Variants in SLC41A1 observed in about 807,000 individuals in gnomAD.
SLC41A1 encodes the protein solute carrier family 41 (magnesium transporter), member 1.
Under a neutral mutation model 47.3 loss-of-function variants are expected in SLC41A1, and 20 were observed. That is an observed-to-expected ratio of 0.42 (90% confidence interval 0.30 to 0.61). The LOEUF is 0.61. Among genes scored for constraint, SLC41A1 ranks in the 20% least tolerant of loss-of-function variants. The pLI, the probability that SLC41A1 is intolerant of heterozygous loss-of-function variation, is 0.17. For missense variants in SLC41A1, 504 were observed against 674.1 expected, an observed-to-expected ratio of 0.75 and a Z score of 2.79; for synonymous variants, 282 against 272.7, an observed-to-expected ratio of 1.03 and a Z score of -0.34.
chr1:205,803,639 T>C (rs1655941816), intron 2 of SLC41A1, among the ~76,000 whole-genome samples: 1 of 150,974 alleles, frequency 6.6e-6, no homozygotes. Flanking sequence ...ATTCTTTTTT[T>C]TTTTTTTTTT....
intron 8 of SLC41A1, chr1:205,796,625 G>T: frequency 2.2e-6 from 1 of 449,524 alleles, no homozygotes; most frequent in Non-Finnish European, 4.1e-6. Context: ...TTATAAATTA[G>T]CCAGTTTCAA....
At chr1:205,809,629 G>A (rs528471324) in intron 2 of SLC41A1, among the ~76,000 whole-genome samples, 1 of 152,262 alleles carries the variant, frequency 6.6e-6, no homozygotes. Context: ...TTCCTGCCCA[G>A]TAGGGGGATG....
chr1:205,794,807 C>T (rs1377283965), intron 10 of SLC41A1, 63 bp downstream of exon 10: 12 of 1,606,882 alleles, frequency 7.5e-6, no homozygotes, highest in Middle Eastern at 4.2e-4. Context: ...AGTCTGGCCT[C>T]CTCTCCCATC....
intron 3 of SLC41A1, among the ~76,000 whole-genome samples, chr1:205,800,510 G>C (rs1209509672): frequency 1.3e-5 from 2 of 152,198 alleles, no homozygotes; most frequent in African/African-American, 4.8e-5. Flanking sequence ...AAGCTGCCAT[G>C]GGTAAAGGGA....
chr1:205,812,879 G>C lies in SLC41A1; in HGVS notation c.-718C>G. On this transcript the variant is annotated 5_prime_UTR_variant, in exon 1 of 11. Coordinates refer to ENST00000367137, the MANE Select transcript of SLC41A1 (RefSeq NM_173854.6). ...TGGCCCGTGGTCTCGGGGGGTGCAG[G>C]GCACCCCCTCTTCTCATCACTCCTC... is the stretch of plus-strand genomic sequence containing the variant. The C allele has an allele frequency of 2.0e-6, 2 of 985,212 alleles. No individual in the cohort carries two copies. 61.0% of individuals were successfully genotyped at this position (985,212 alleles called of 1,614,324 possible). A position where few individuals can be genotyped will look rare whatever the true frequency, so the allele number is the denominator to read the frequency against.
rs1656119990 is a variant in SLC41A1 at position 205,810,342 on chromosome 1, C to G, written c.100G>C (p.Ala34Pro). 8.1e-6 allele frequency: 13 copies of G among 1,614,040 alleles called. No homozygotes were observed. The highest frequency in any genetic ancestry group is 1.1e-5 in the Non-Finnish European group (13 of 1,180,040). ...SSDGPGREPL[A>P]GTSEFLGPDG... ...GGCCCCAGGAACTCTGAGGTCCCAG[C>G]CAAGGGCTCTCTCCCTGGGCCATCT... The change falls in exon 2 of 11, where the codon GCT (alanine) becomes CCT (proline). Residue 34 changes from alanine to proline, a missense_variant. By Grantham distance (27) the Ala-to-Pro change is conservative (BLOSUM62 -1). This residue lies in a region of SLC41A1 where 83 missense variants were observed against 72.5 expected (regional missense o/e 1.15). Transcript: ENST00000367137. This position sits in a 1 kb window ranked among gnomAD's most constrained non-coding sequence, Gnocchi z 5.5.
Position 205,791,475 on chromosome 1 carries a change from A to G in SLC41A1, c.*58T>C, listed in dbSNP as rs1176179806. 1.2e-6 allele frequency: 2 copies of G among 1,609,844 alleles called. No individual in the cohort carries two copies. Among genetic ancestry groups the G allele is most frequent in the African/African-American group, 2.7e-5 (2 of 74,840 alleles). On this transcript the variant is annotated 3_prime_UTR_variant, in exon 11 of 11. Coordinates refer to ENST00000367137, the MANE Select transcript of SLC41A1 (RefSeq NM_173854.6). This position sits in a 1 kb window ranked among gnomAD's most constrained non-coding sequence, Gnocchi z 4.0. Reference sequence around the variant, plus strand: ...TGGGGTGGAGGAGGGACAGGGGAACAAAAGAAAAATTTCAAATAGAAAGTG... The same window carrying G: ...TGGGGTGGAGGAGGGACAGGGGAACGAAAGAAAAATTTCAAATAGAAAGTG...
At chr1:205,794,254 T>A (rs983446203) in intron 10 of SLC41A1, among the ~76,000 whole-genome samples, 6 of 152,226 alleles carry the variant, frequency 3.9e-5, no homozygotes, top group Admixed American at 2.0e-4. Context: ...TTATGCAAAA[T>A]GTTATTTTCC....
chr1:205,791,503 G>A lies in SLC41A1; in HGVS notation c.*30C>T. ...AGAAAAATTTCAAATAGAAAGTGCA[G>A]AGGGATGGGGAAAATGTTGAGTGAC... On this transcript the variant is annotated 3_prime_UTR_variant, in exon 11 of 11. Coordinates refer to ENST00000367137, the MANE Select transcript of SLC41A1 (RefSeq NM_173854.6). The surrounding 1 kb of genome is among the most constrained non-coding windows in gnomAD (Gnocchi z 4.0). 1 of 1,613,916 alleles carries A rather than the reference G, an allele frequency of 6.2e-7. No individual in the cohort carries two copies. Among genetic ancestry groups the A allele is most frequent in the Non-Finnish European group, 8.5e-7 (1 of 1,179,874 alleles).
At chr1:205,809,785 C>T (rs1045877081) in intron 2 of SLC41A1, among the ~76,000 whole-genome samples, 7 of 152,060 alleles carry the variant, frequency 4.6e-5, no homozygotes, top group African/African-American at 7.2e-5. Context: ...TGGCAAGCAA[C>T]GACCCTGTTC....
At chr1:205,795,064 C>T (rs762318449) in intron 9 of SLC41A1, 46 bp from the exon 10 acceptor site, 1 of 1,608,336 alleles carries the variant, frequency 6.2e-7, no homozygotes. Flanking sequence ...GAGGAGAAGA[C>T]CTGGCCCCAG....
chr1:205,811,069 G>C lies in SLC41A1; in HGVS notation c.-628C>G, dbSNP rs1210587230. The C allele has an allele frequency of 6.4e-6, 1 of 155,060 alleles. No homozygotes were observed. The highest frequency in any genetic ancestry group is 1.4e-5 in the Non-Finnish European group (1 of 69,962). 9.6% of individuals were successfully genotyped at this position (155,060 alleles called of 1,614,324 possible). A position where few individuals can be genotyped will look rare whatever the true frequency, so the allele number is the denominator to read the frequency against. ...TCAAATCCCTGGTCCTTAAAGTCAC[G>C]AGAATCAGTGTGGAACACCTTATGT... On this transcript the variant is annotated 5_prime_UTR_variant, in exon 2 of 11. Coordinates refer to ENST00000367137, the MANE Select transcript of SLC41A1 (RefSeq NM_173854.6).
At chr1:205,802,719 A>AAAAATAAAAT (rs60350796) in intron 2 of SLC41A1, among the ~76,000 whole-genome samples, 3,654 of 133,382 alleles carry the variant, frequency 0.027, 136 homozygotes, top group African/African-American at 0.076. Context: ...ACTCTGTCTC[A>AAAAATAAAAT]AAAATAAAAT....
intron 2 of SLC41A1, among the ~76,000 whole-genome samples, chr1:205,802,418 C>T (rs1571646323): frequency 1.3e-5 from 2 of 152,234 alleles, no homozygotes; most frequent in East Asian, 1.9e-4. Flanking sequence ...CACACTCTGT[C>T]GTTAAAGATG....
In SLC41A1 at chr1:205,791,471, G is replaced by C. The variant is rs2102498866; in HGVS notation, c.*62C>G. The C allele has an allele frequency of 6.2e-7, 1 of 1,602,734 alleles. No individual in the cohort carries two copies. The highest frequency in any genetic ancestry group is 8.5e-7 in the Non-Finnish European group (1 of 1,171,006). ...AGTGTGGGGTGGAGGAGGGACAGGGGAACAAAAGAAAAATTTCAAATAGAA... is the reference window on the plus strand; with the variant it reads ...AGTGTGGGGTGGAGGAGGGACAGGGCAACAAAAGAAAAATTTCAAATAGAA... On this transcript the variant is annotated 3_prime_UTR_variant, in exon 11 of 11. Coordinates refer to ENST00000367137, the MANE Select transcript of SLC41A1 (RefSeq NM_173854.6). The surrounding 1 kb of genome is among the most constrained non-coding windows in gnomAD (Gnocchi z 4.0).
Position 205,808,864 on chromosome 1 carries a change from A to C in SLC41A1, c.372+1206T>G, listed in dbSNP as rs914229160. On this transcript the variant is annotated intron_variant, in intron 2 of 10. Transcript: ENST00000367137. ...TCAAGTCAAAGTTCTCCATGTGCAC[A>C]CACTATCAAGAACCAACCCCCTTCA... Among the ~76,000 whole-genome samples the C allele has an allele frequency of 5.3e-5, 8 of 152,370 alleles. No individual in the cohort carries two copies. The South Asian group carries it at 8.3e-4, about 16-fold the overall frequency.
chr1:205,799,210 GCAGGCTGGACTGCATGGTCCAGTCCTCC>G, intron 4 of SLC41A1, 109 bp from the exon 5 acceptor site: 3 of 1,488,164 alleles, frequency 2.0e-6, no homozygotes, highest in Non-Finnish European at 2.8e-6. Flanking sequence ...GCCCCAGGAG[GCAGGCTGGACTGCATGGTCCAGTCCTCC>G]CAGGCTGGAA....
intron 6 of SLC41A1, 106 bp from the exon 7 acceptor site, chr1:205,798,157 C>T: frequency 1.3e-6 from 2 of 1,498,574 alleles, no homozygotes; most frequent in South Asian, 1.2e-5. Flanking sequence ...CAAGACTACA[C>T]TAAATGCCAG....
At chr1:205,803,837 T>A (rs953391377) in intron 2 of SLC41A1, among the ~76,000 whole-genome samples, 3 of 151,998 alleles carry the variant, frequency 2.0e-5, no homozygotes, top group Admixed American at 1.3e-4. Context: ...CCCAGGCTGG[T>A]CTCGAACTCC....
Sources: allele counts gnomAD v4.1 joint callset (sites outside exome capture counted in the v4.1 genomes callset), GRCh38; gene constraint gnomAD v4.1.1; regional missense constraint gnomAD v4.1.1; non-coding constraint Gnocchi (gnomAD v3.1); transcripts MANE v1.5; gene names NCBI Gene and HGNC (gene_info 2026-07-23, HGNC 2026-07-21).